The following UQCRC1 variants were observed in gnomAD, a reference collection of about 807,000 sequenced individuals.
The protein encoded by UQCRC1 is ubiquinol-cytochrome c reductase core protein 1, also known as cytochrome b-c1 complex subunit 1, mitochondrial.
A neutral mutation model predicts 58.0 loss-of-function variants in UQCRC1; 34 were observed. That is an observed-to-expected ratio of 0.59 (90% CI 0.45 to 0.78). The LOEUF (loss-of-function observed/expected upper bound fraction) is 0.78, where lower values mean the gene tolerates loss of function less well. Ranked by LOEUF, UQCRC1 falls within the 30% of genes least tolerant of loss-of-function variation. The pLI, the probability that UQCRC1 is intolerant of heterozygous loss-of-function variation, is 0.00. For missense variants in UQCRC1, 610 were observed against 646.0 expected, an observed-to-expected ratio of 0.94 and a Z score of 0.60; for synonymous variants, 276 against 248.8, an observed-to-expected ratio of 1.11 and a Z score of -1.03.
intron 12 of UQCRC1, 93 bp from the exon 13 acceptor site, chr3:48,599,285 G>C: frequency 7.3e-7 from 1 of 1,369,034 alleles, no homozygotes; most frequent in Non-Finnish European, 1.0e-6. Flanking sequence ...ATGCTGCCCA[G>C]AGCAGCACAA....
Position 48,604,742 on chromosome 3 carries a change from C to G in UQCRC1, c.336G>C (p.Glu112Asp), listed in dbSNP as rs1243321435. 2 of 1,614,054 alleles carry G rather than the reference C, an allele frequency of 1.2e-6. No individual in the cohort carries two copies. Among genetic ancestry groups the G allele is most frequent in the South Asian group, 1.1e-5 (1 of 91,090 alleles). Reference protein sequence around the residue: ...KNRPGSALEKEVESMGAHLNA... With the variant: ...KNRPGSALEKDVESMGAHLNA... ...TAAGATGGGCCCCCATGCTCTCCAC[C>G]TCCTTCTCCAGGGCACTGCCAGGCC... Residue 112 changes from glutamate (E) to aspartate (D), a missense_variant, in exon 4 of 13, where the codon GAG becomes GAC. Glu to Asp is a conservative substitution (Grantham distance 45). Transcript: ENST00000203407.
chr3:48,600,677 T>C lies in UQCRC1; in HGVS notation c.1127+3A>G. On this transcript the variant is annotated splice_donor_region_variant and intron_variant, in intron 9 of 12. Coordinates refer to ENST00000203407, the MANE Select transcript of UQCRC1 (RefSeq NM_003365.3). ...CACCTAGGAATACCAGGCTGCCACT[T>C]ACCACTGCCCTTGCAGGACGAACAT... is the stretch of plus-strand genomic sequence containing the variant. The C allele has an allele frequency of 6.2e-7, 1 of 1,614,156 alleles. No individual in the cohort carries two copies. The highest frequency in any genetic ancestry group is 8.5e-7 in the Non-Finnish European group (1 of 1,180,010).
At chr3:48,603,145 C>T (rs879659299) in intron 6 of UQCRC1, among the ~76,000 whole-genome samples, 1 of 152,192 alleles carries the variant, frequency 6.6e-6, no homozygotes, top group African/African-American at 2.4e-5. Flanking sequence ...ACTCTGAGTC[C>T]CCAGTGAAAT....
At chr3:48,601,930 G>A (rs1204551750) in intron 6 of UQCRC1, among the ~76,000 whole-genome samples, 1 of 152,148 alleles carries the variant, frequency 6.6e-6, no homozygotes. Flanking sequence ...ATTAGCTCTT[G>A]GGTCCCCTGA....
At chr3:48,607,330 C>T (rs2046423518) in intron 2 of UQCRC1, among the ~76,000 whole-genome samples, 1 of 151,084 alleles carries the variant, frequency 6.6e-6, no homozygotes, top group East Asian at 1.9e-4. Context: ...CGTGAGCCAC[C>T]GCGTCTAGCC....
At chr3:48,605,047 G>A (rs1370062932) in intron 3 of UQCRC1, among the ~76,000 whole-genome samples, 1 of 152,156 alleles carries the variant, frequency 6.6e-6, no homozygotes, top group Non-Finnish European at 1.5e-5. Context: ...TAAAGCTCCT[G>A]TAACAGCTTA....
chr3:48,604,190 A>G, intron 5 of UQCRC1, 43 bp downstream of exon 5: 1 of 1,606,040 alleles, frequency 6.2e-7, no homozygotes, highest in East Asian at 2.2e-5. Flanking sequence ...TGGCCAGGCC[A>G]GAATGGAGCA....
At chr3:48,604,909 C>G in intron 3 of UQCRC1, 129 bp from the exon 4 acceptor site, 1 of 1,304,094 alleles carries the variant, frequency 7.7e-7, no homozygotes, top group South Asian at 1.4e-5. Context: ...TCTGGGGACA[C>G]AGATCCCAGA....
chr3:48,607,875 A>C (rs1401588634), intron 2 of UQCRC1, among the ~76,000 whole-genome samples: 1 of 151,246 alleles, frequency 6.6e-6, no homozygotes, highest in Non-Finnish European at 1.5e-5. Flanking sequence ...CCCAGGCTGG[A>C]GTGCAGTGGC....
intron 4 of UQCRC1, 38 bp downstream of exon 4, chr3:48,604,613 C>T (rs779157962): frequency 6.2e-7 from 1 of 1,613,260 alleles, no homozygotes; most frequent in South Asian, 1.1e-5. Context: ...TCCTCTGCTT[C>T]CCTGCCCTCT....
chr3:48,604,575 T>A, intron 4 of UQCRC1, 76 bp downstream of exon 4: 1 of 1,604,232 alleles, frequency 6.2e-7, no homozygotes, highest in Non-Finnish European at 8.5e-7. Flanking sequence ...TATGATTCTG[T>A]GGTCAGCCAG....
rs1261159826 is a variant in UQCRC1, at chr3:48,600,767, C to T, written c.1040G>A (p.Cys347Tyr). The change falls in exon 9 of 13, where the codon TGC (cysteine) becomes TAC (tyrosine). Residue 347 changes from cysteine to tyrosine, a missense_variant. Cys to Tyr is a radical substitution (Grantham distance 194, BLOSUM62 -2). Coordinates refer to ENST00000203407, the MANE Select transcript of UQCRC1 (RefSeq NM_003365.3). ...ACCCAGCAAGCCCGTCTCTGCATAG[C>T]AGATGCTGAAGGTCTGGAAACTCTG... The part of the protein sequence containing the change: ...LCQSFQTFSI[C>Y]YAETGLLGAH... The T allele has an allele frequency of 1.9e-6, 3 of 1,614,156 alleles. No individual in the cohort carries two copies. Among genetic ancestry groups the T allele is most frequent in the Non-Finnish European group, 1.7e-6 (2 of 1,180,040 alleles).
At position 48,601,376 on chromosome 3, in the gene UQCRC1, A is replaced by G. The variant is rs1188130357; in HGVS notation, c.798T>C (p.Thr266=). The G allele has an allele frequency of 2.5e-6, 4 of 1,614,056 alleles. No homozygotes were observed. Among genetic ancestry groups the G allele is most frequent in the Non-Finnish European group, 3.4e-6 (4 of 1,180,036 alleles). ...TYAEDAVPTL[T]PCRFTGSEIR... The stretch of plus-strand genomic sequence containing the variant: ...CCTCACTGCCAGTGAAGCGGCATGG[A>G]GTAAGAGTGGGCACAGCGTCCTCTG... The change falls in exon 7 of 13, where the codon ACT becomes ACC. Residue 266 remains threonine (T), a synonymous_variant. Transcript: ENST00000203407.
At position 48,603,475 on chromosome 3, in the gene UQCRC1, A is replaced by G. The variant is rs1413487421; in HGVS notation, c.706+89T>C. The stretch of plus-strand genomic sequence containing the variant: ...TGGGAGCAGAGTCCCCTGGGGTGAA[A>G]GGTCCCCTATGGTGGGAACCAGGAC... On this transcript the variant is annotated intron_variant, in intron 6 of 12. Transcript: ENST00000203407. 3 of 1,323,704 alleles carry G rather than the reference A, an allele frequency of 2.3e-6. No homozygotes were observed. In the East Asian group the frequency reaches 7.4e-5, roughly 33 times the overall value. The allele number at this position is 1,323,704 out of a possible 1,614,324, so 82.0% of individuals were successfully genotyped here.
At chr3:48,602,347 G>A (rs1055704428) in intron 6 of UQCRC1, among the ~76,000 whole-genome samples, 11 of 150,752 alleles carry the variant, frequency 7.3e-5, no homozygotes, top group Admixed American at 2.6e-4. Context: ...CACCGCGCCC[G>A]GCCTGCGTTG....
At chr3:48,599,510 A>AG in intron 12 of UQCRC1, 125 bp downstream of exon 12, 1 of 1,049,074 alleles carries the variant, frequency 9.5e-7, no homozygotes, top group Non-Finnish European at 1.4e-6. Context: ...GACTGGGGAG[A>AG]GCTGCTTGGG....
At position 48,609,642 on chromosome 3, in the gene UQCRC1, G is replaced by C. The variant is rs1311664000; in HGVS notation, c.-22C>G. 3 of 1,545,462 alleles carry C rather than the reference G, an allele frequency of 1.9e-6. No homozygotes were observed. The highest frequency in any genetic ancestry group is 1.2e-5 in the South Asian group (1 of 84,098). On this transcript the variant is annotated 5_prime_UTR_variant, in exon 1 of 13. Transcript: ENST00000203407. ...CCATCTTCCAGCTGCAGTCGGCCCT[G>C]TTGCGCCGCGCAAGCGTAGACTGGG... is the stretch of plus-strand genomic sequence containing the variant.
At chr3:48,605,167 C>T (rs1380488564) in intron 3 of UQCRC1, among the ~76,000 whole-genome samples, 1 of 152,236 alleles carries the variant, frequency 6.6e-6, no homozygotes, top group Non-Finnish European at 1.5e-5. Flanking sequence ...TCCTCCCATG[C>T]CATTCCCATG....
rs1318240104 is a variant in UQCRC1, at chr3:48,609,638, C to T, written c.-18G>A. On this transcript the variant is annotated 5_prime_UTR_variant, in exon 1 of 13. Transcript: ENST00000203407. ...GCCGCCATCTTCCAGCTGCAGTCGG[C>T]CCTGTTGCGCCGCGCAAGCGTAGAC... is the stretch of plus-strand genomic sequence containing the variant. 1 of 1,547,174 alleles carries T rather than the reference C, an allele frequency of 6.5e-7. No homozygotes were observed. The highest frequency in any genetic ancestry group is 1.7e-4 in the Middle Eastern group (1 of 5,932).
Sources: gnomAD v4.1 joint callset for allele counts (sites outside exome capture counted in the v4.1 genomes callset) on GRCh38, gnomAD v4.1.1 for gene constraint, MANE v1.5 for transcripts, NCBI Gene and HGNC (gene_info 2026-07-23, HGNC 2026-07-21) for gene names.